The following TMEM132D variants were observed in gnomAD, a reference collection of about 807,000 sequenced individuals.
The protein encoded by TMEM132D is transmembrane protein 132D.
TMEM132D carries 21 observed loss-of-function variants against 62.3 expected under a neutral mutation model. The observed-to-expected ratio is 0.34, with a 90% confidence interval of 0.24 to 0.49. The LOEUF (loss-of-function observed/expected upper bound fraction) is 0.49. Ranked by LOEUF, TMEM132D falls within the 20% of genes least tolerant of loss-of-function variation. The pLI is 0.99. For synonymous variants in TMEM132D, 621 were observed against 575.6 expected (o/e 1.08, Z -1.13); for missense variants, 1,346 against 1,402.8 (o/e 0.96, Z 0.65).
At chr12:129,376,915 G>A (rs959956159) in intron 3 of TMEM132D, among the ~76,000 whole-genome samples, 4 of 152,108 alleles carry the variant, frequency 2.6e-5, no homozygotes, top group African/African-American at 7.2e-5. Context: ...AACAAATAAG[G>A]CAAGTATACA....
At chr12:129,515,484 T>G (rs1875645844) in intron 3 of TMEM132D, among the ~76,000 whole-genome samples, 1 of 152,176 alleles carries the variant, frequency 6.6e-6, no homozygotes, top group South Asian at 2.1e-4. Context: ...AATGTGGTCA[T>G]GATCCTAGGG....
intron 2 of TMEM132D, among the ~76,000 whole-genome samples, chr12:129,619,762 T>C (rs944257014): frequency 6.6e-6 from 1 of 152,250 alleles, no homozygotes; most frequent in East Asian, 1.9e-4. Context: ...GGAGTGTTAA[T>C]GAAACTCGTT....
chr12:129,400,847 G>A (rs1334421804), intron 3 of TMEM132D, among the ~76,000 whole-genome samples: 3 of 152,144 alleles, frequency 2.0e-5, no homozygotes, highest in Admixed American at 1.3e-4. Flanking sequence ...ATCTTGGTGT[G>A]AAAAATGTGA....
intron 4 of TMEM132D, among the ~76,000 whole-genome samples, chr12:129,254,654 T>A (rs149962177): frequency 3.9e-5 from 6 of 152,310 alleles, no homozygotes; most frequent in Admixed American, 3.9e-4. Flanking sequence ...GATTTGCTTA[T>A]CCTTAGAGGG....
At chr12:129,571,303 C>T (rs779557362) in intron 2 of TMEM132D, among the ~76,000 whole-genome samples, 19 of 152,154 alleles carry the variant, frequency 1.2e-4, no homozygotes, top group Non-Finnish European at 2.4e-4. Context: ...TGGTGGTTCA[C>T]GCCTATAATC....
intron 1 of TMEM132D, among the ~76,000 whole-genome samples, chr12:129,888,104 T>G (rs553827623): frequency 6.6e-6 from 1 of 152,258 alleles, no homozygotes; most frequent in Non-Finnish European, 1.5e-5. Flanking sequence ...AAATATTGAA[T>G]GCTTGTAAAA....
chr12:129,782,065 T>C (rs1037408524), intron 1 of TMEM132D, among the ~76,000 whole-genome samples: 2 of 152,186 alleles, frequency 1.3e-5, no homozygotes, highest in Non-Finnish European at 2.9e-5. Flanking sequence ...AGAATAGACA[T>C]GTGAAAACAT....
intron 5 of TMEM132D, among the ~76,000 whole-genome samples, chr12:129,197,277 C>T (rs1878575488): frequency 6.6e-6 from 1 of 152,080 alleles, no homozygotes; most frequent in Non-Finnish European, 1.5e-5. Context: ...GTAAACATGC[C>T]CAATCTCATC....
chr12:129,850,700 C>G (rs1385961940), intron 1 of TMEM132D, among the ~76,000 whole-genome samples: 1 of 152,182 alleles, frequency 6.6e-6, no homozygotes, highest in Non-Finnish European at 1.5e-5. Flanking sequence ...TGGCATCATT[C>G]AATCAGGAAA....
intron 2 of TMEM132D, among the ~76,000 whole-genome samples, chr12:129,540,564 C>T (rs1876556754): frequency 6.6e-6 from 1 of 151,952 alleles, no homozygotes; most frequent in Admixed American, 6.5e-5. Flanking sequence ...CCACTCACTG[C>T]AACCTCCACC....
chr12:129,273,435 C>CA (rs36073067), intron 4 of TMEM132D, among the ~76,000 whole-genome samples: 2,828 of 113,698 alleles, frequency 0.025, 56 homozygotes, highest in Non-Finnish European at 0.038. Flanking sequence ...ATCAGCCTGT[C>CA]AAAAAAAAAA....
chr12:129,264,188 A>T (rs1880626277), intron 4 of TMEM132D, among the ~76,000 whole-genome samples: 1 of 152,222 alleles, frequency 6.6e-6, no homozygotes, highest in African/African-American at 2.4e-5. Flanking sequence ...CAGGAGTTCG[A>T]GACCAGCCTG....
At chr12:129,833,392 G>A (rs1477704265) in intron 1 of TMEM132D, among the ~76,000 whole-genome samples, 1 of 152,058 alleles carries the variant, frequency 6.6e-6, no homozygotes, top group Non-Finnish European at 1.5e-5. Context: ...TGTGAGCCTA[G>A]GAGTTTGAGA....
chr12:129,824,651 A>G (rs761213410), intron 1 of TMEM132D, among the ~76,000 whole-genome samples: 9 of 152,212 alleles, frequency 5.9e-5, no homozygotes, highest in Admixed American at 2.0e-4. Context: ...CATCTGCAAG[A>G]CAGGGACAGA....
At chr12:129,517,682 A>C (rs2137078560) in intron 3 of TMEM132D, among the ~76,000 whole-genome samples, 1 of 152,312 alleles carries the variant, frequency 6.6e-6, no homozygotes, top group South Asian at 2.1e-4. Flanking sequence ...CCCCATGCAA[A>C]ATTCAATCCA....
chr12:129,536,276 A>G (rs1056383016), intron 2 of TMEM132D, among the ~76,000 whole-genome samples: 1 of 152,228 alleles, frequency 6.6e-6, no homozygotes, highest in Admixed American at 6.5e-5. Context: ...CTACGCATGT[A>G]GATTTGGTGA....
intron 4 of TMEM132D, among the ~76,000 whole-genome samples, chr12:129,258,181 C>T (rs1880458779): frequency 6.6e-6 from 1 of 152,154 alleles, no homozygotes; most frequent in Admixed American, 6.5e-5. Flanking sequence ...CTTCATTACC[C>T]TCATTTGTAA....
At chr12:129,645,796 C>T (rs1467128291) in intron 2 of TMEM132D, among the ~76,000 whole-genome samples, 1 of 152,178 alleles carries the variant, frequency 6.6e-6, no homozygotes, top group Admixed American at 6.5e-5. Context: ...ACCCTTGCTG[C>T]TCATTATATG....
chr12:129,324,827 C>CA (rs1245640584), intron 4 of TMEM132D, among the ~76,000 whole-genome samples: 85 of 149,752 alleles, frequency 5.7e-4, no homozygotes, highest in South Asian at 1.7e-3. Context: ...GACTCCATCT[C>CA]AAGAAAAAAA....
Sources: gnomAD v4.1 joint callset for allele counts (sites outside exome capture counted in the v4.1 genomes callset) on GRCh38, gnomAD v4.1.1 for gene constraint, MANE v1.5 for transcripts, NCBI Gene and HGNC (gene_info 2026-07-23, HGNC 2026-07-21) for gene names.